Variants in GRIK1 observed in about 807,000 individuals in gnomAD.
GRIK1 encodes glutamate ionotropic receptor kainate type subunit 1, also known as glutamate receptor ionotropic, kainate 1.
A neutral mutation model predicts 105.7 loss-of-function variants in GRIK1; 69 were observed. That is an observed-to-expected ratio of 0.65 (90% CI 0.54 to 0.80). The LOEUF is 0.80. GRIK1 is among the 30% of genes least tolerant of loss of function. The pLI, the probability that GRIK1 is intolerant of heterozygous loss-of-function variation, is 0.00. For synonymous variants in GRIK1, 438 were observed against 431.3 expected (o/e 1.02, Z -0.19); for missense variants, 1,109 against 1,167.3 (o/e 0.95, Z 0.73).
chr21:29,635,185 G>GT (rs2062371300), intron 7 of GRIK1, among the ~76,000 whole-genome samples: 2 of 152,160 alleles, frequency 1.3e-5, no homozygotes, highest in African/African-American at 4.8e-5. Context: ...CCATCGTACT[G>GT]TAATGCTTTC....
At chr21:29,857,403 T>C (rs1044949482) in intron 1 of GRIK1, among the ~76,000 whole-genome samples, 1 of 152,194 alleles carries the variant, frequency 6.6e-6, no homozygotes, top group Admixed American at 6.5e-5. Flanking sequence ...GTTACATAGC[T>C]ACACGCCAAG....
intron 1 of GRIK1, among the ~76,000 whole-genome samples, chr21:29,841,401 A>G (rs1211178970): frequency 6.6e-6 from 1 of 152,164 alleles, no homozygotes; most frequent in African/African-American, 2.4e-5. Context: ...AATTATTTTA[A>G]TCTCCATCTG....
At chr21:29,651,882 C>T (rs549553161) in intron 5 of GRIK1, among the ~76,000 whole-genome samples, 1 of 151,746 alleles carries the variant, frequency 6.6e-6, no homozygotes, top group Non-Finnish European at 1.5e-5. Context: ...AAAATGGCAG[C>T]CGTACCACAC....
At chr21:29,799,974 T>G (rs771044873) in intron 1 of GRIK1, among the ~76,000 whole-genome samples, 46 of 152,226 alleles carry the variant, frequency 3.0e-4, no homozygotes, top group Non-Finnish European at 1.6e-4. Flanking sequence ...ATAATAAAAT[T>G]TATTTAATCA....
Position 29,848,779 on chromosome 21 carries a change from A to ATATATATATATATT in GRIK1, c.118+90603_118+90604insAATATATATATATA. 4.2e-3 allele frequency among the ~76,000 whole-genome samples: 323 copies of ATATATATATATATT among 77,826 alleles called. 1 individual carries two copies. Among genetic ancestry groups the ATATATATATATATT allele is most frequent in the Admixed American group, 5.9e-3 (34 of 5,722 alleles). The allele number at this position is 77,826 out of a possible 152,430, so 51.1% of individuals were successfully genotyped here. On this transcript the variant is annotated intron_variant, in intron 1 of 17. Transcript: ENST00000327783. Reference sequence around the variant, plus strand: ...TGTATATATATATATATATATATATATTTTTTTTTTTTTCCACGATCTTCA... The same window carrying ATATATATATATATT: ...TGTATATATATATATATATATATATATATATATATATATTTTTTTTTTTTTTTCCACGATCTTCA...
chr21:29,725,523 T>C (rs1376895249), intron 1 of GRIK1, among the ~76,000 whole-genome samples: 3 of 152,174 alleles, frequency 2.0e-5, no homozygotes, highest in Non-Finnish European at 2.9e-5. Flanking sequence ...CAAGCAGCTG[T>C]TTGAAATCCC....
chr21:29,893,054 T>C (rs2069963295), intron 1 of GRIK1, among the ~76,000 whole-genome samples: 1 of 152,188 alleles, frequency 6.6e-6, no homozygotes, highest in Admixed American at 6.5e-5. Context: ...CGCCTATAGT[T>C]CCTACTTTTA....
rs138308696 is a variant in GRIK1, at chr21:29,770,221, G to A, written c.119-76158C>T. ...CCAAGTATATATGAATACTTCATCC[G>A]GAATTGGAAACAGATTGTGTCACCC... On this transcript the variant is annotated intron_variant, in intron 1 of 17. Transcript: ENST00000327783. Among the ~76,000 whole-genome samples the A allele has an allele frequency of 2.7e-3, 406 of 152,226 alleles. 2 individuals carry two copies. The highest frequency in any genetic ancestry group is 9.1e-3 in the African/African-American group (378 of 41,522).
At chr21:29,912,086 G>A (rs1167981958) in intron 1 of GRIK1, among the ~76,000 whole-genome samples, 3 of 152,034 alleles carry the variant, frequency 2.0e-5, no homozygotes, top group Admixed American at 2.0e-4. Context: ...AAATGATAAA[G>A]TGGATATGGT....
At chr21:29,697,969 C>T (rs73197532) in intron 1 of GRIK1, among the ~76,000 whole-genome samples, 2 of 140,628 alleles carry the variant, frequency 1.4e-5, no homozygotes, top group Admixed American at 1.5e-4. Flanking sequence ...TCCTTTCTTT[C>T]TTTCTCTCTG....
At chr21:29,804,438 A>G (rs767721003) in intron 1 of GRIK1, among the ~76,000 whole-genome samples, 3 of 152,060 alleles carry the variant, frequency 2.0e-5, no homozygotes, top group Non-Finnish European at 2.9e-5. Flanking sequence ...GTCCATTTTC[A>G]ACTCCAATTA....
intron 1 of GRIK1, among the ~76,000 whole-genome samples, chr21:29,916,006 A>T (rs1000141144): frequency 6.6e-6 from 1 of 152,032 alleles, no homozygotes; most frequent in Non-Finnish European, 1.5e-5. Context: ...ATTTTAGTAA[A>T]GTCAAAAACT....
At chr21:29,719,324 C>T (rs80027833) in intron 1 of GRIK1, among the ~76,000 whole-genome samples, 2,097 of 151,592 alleles carry the variant, frequency 0.014, 51 homozygotes, top group African/African-American at 0.048. Flanking sequence ...TATCACCCAC[C>T]CAAGACTTGA....
At chr21:29,658,215 C>T (rs2062891844) in intron 4 of GRIK1, among the ~76,000 whole-genome samples, 2 of 152,062 alleles carry the variant, frequency 1.3e-5, no homozygotes, top group South Asian at 2.1e-4. Context: ...CATATTCCTC[C>T]GAATTGCTTC....
At chr21:29,798,166 G>T (rs567933487) in intron 1 of GRIK1, among the ~76,000 whole-genome samples, 2 of 151,980 alleles carry the variant, frequency 1.3e-5, no homozygotes, top group African/African-American at 4.8e-5. Flanking sequence ...AATATACTTG[G>T]CTGTCTGTCT....
chr21:29,710,823 CCTTCCTT>C, intron 1 of GRIK1, among the ~76,000 whole-genome samples: 1 of 109,710 alleles, frequency 9.1e-6, no homozygotes, highest in South Asian at 3.4e-4. Context: ...TTCCTTCCTT[CCTTCCTT>C]CCTTCCTTCC....
intron 3 of GRIK1, among the ~76,000 whole-genome samples, chr21:29,687,733 A>G (rs2146705372): frequency 6.6e-6 from 1 of 152,348 alleles, no homozygotes; most frequent in South Asian, 2.1e-4. Context: ...CTCACCTGAC[A>G]TCAGAGAGTG....
intron 1 of GRIK1, among the ~76,000 whole-genome samples, chr21:29,845,349 C>T (rs1206404679): frequency 6.6e-6 from 1 of 151,978 alleles, no homozygotes; most frequent in Non-Finnish European, 1.5e-5. Flanking sequence ...AATGCTATTA[C>T]CATATTTATG....
At chr21:29,936,625 A>G (rs2071764999) in intron 1 of GRIK1, among the ~76,000 whole-genome samples, 1 of 152,252 alleles carries the variant, frequency 6.6e-6, no homozygotes, top group Non-Finnish European at 1.5e-5. Flanking sequence ...TAAGGGCACC[A>G]CTATCCTACC....
Sources: allele counts gnomAD v4.1 joint callset (sites outside exome capture counted in the v4.1 genomes callset), GRCh38; gene constraint gnomAD v4.1.1; transcripts MANE v1.5; gene names NCBI Gene and HGNC (gene_info 2026-07-23, HGNC 2026-07-21).